PAX8: variants seen among roughly 807,000 people sequenced by gnomAD.
PAX8 encodes the protein paired box 8.
A neutral mutation model predicts 52.4 loss-of-function variants in PAX8; 15 were observed. The observed-to-expected ratio is 0.29, with a 90% CI of 0.19 to 0.44. The LOEUF (loss-of-function observed/expected upper bound fraction) is 0.44, where lower values mean the gene tolerates loss of function less well. PAX8 is among the 20% of genes least tolerant of loss of function. PAX8 has a pLI of 1.00. For synonymous variants in PAX8, 284 were observed against 249.7 expected (o/e 1.14, Z -1.29); for missense variants, 554 against 602.5 (o/e 0.92, Z 0.84).
intron 6 of PAX8, 125 bp from the exon 7 acceptor site, chr2:113,241,851 C>G: frequency 6.9e-7 from 1 of 1,455,698 alleles, no homozygotes; most frequent in Non-Finnish European, 9.6e-7. Flanking sequence ...CCACGTGGGC[C>G]CAGGAGCCTT....
At chr2:113,253,195 C>T (rs983000881) in intron 2 of PAX8, among the ~76,000 whole-genome samples, 1 of 152,170 alleles carries the variant, frequency 6.6e-6, no homozygotes, top group Non-Finnish European at 1.5e-5. Flanking sequence ...TTATTTGCTC[C>T]ATGACATATG....
rs113984229 is a variant in PAX8 at position 113,226,407 on chromosome 2, T to G, written c.1189+748A>C. 3.0e-6 allele frequency: 3 copies of G among 986,010 alleles called. No homozygotes were observed. In the African/African-American group the frequency reaches 5.2e-5, roughly 17 times the overall value. The allele number at this position is 986,010 out of a possible 1,614,324, so 61.1% of individuals were successfully genotyped here. ...TCTTCCCTACATGGCTCCTAAAAAA[T>G]TGAGACTTGCCCAAGGAAACTCCCA... On this transcript the variant is annotated intron_variant, in intron 10 of 11. Coordinates refer to ENST00000429538, the MANE Select transcript of PAX8 (RefSeq NM_003466.4).
chr2:113,234,254 C>T (rs1333516613), intron 9 of PAX8, among the ~76,000 whole-genome samples: 1 of 152,214 alleles, frequency 6.6e-6, no homozygotes, highest in Admixed American at 6.5e-5. Flanking sequence ...CATCTCAGGC[C>T]CTCTCCAACC....
rs191363278 is a variant in PAX8, at chr2:113,251,292, C to T, written c.26-4373G>A. On this transcript the variant is annotated intron_variant, in intron 2 of 11. Coordinates refer to ENST00000429538, the MANE Select transcript of PAX8 (RefSeq NM_003466.4). ...CGATTGGCGCCCACTGTGCTGACCA[C>T]CTCTTCATGCAGCTGCAGGTGGGGT... Among the ~76,000 whole-genome samples, 81 of 152,248 alleles carry T rather than the reference C, an allele frequency of 5.3e-4. 1 individual carries two copies. Among genetic ancestry groups the T allele is most frequent in the African/African-American group, 1.8e-3 (73 of 41,538 alleles).
intron 2 of PAX8, among the ~76,000 whole-genome samples, chr2:113,259,793 C>G: frequency 6.6e-6 from 1 of 152,192 alleles, no homozygotes; most frequent in Non-Finnish European, 1.5e-5. Flanking sequence ...GTCATTCTTC[C>G]CAGATCCTTC....
chr2:113,229,325 G>A (rs1163180029), intron 9 of PAX8, among the ~76,000 whole-genome samples: 1 of 152,192 alleles, frequency 6.6e-6, no homozygotes, highest in Non-Finnish European at 1.5e-5. Flanking sequence ...ATTTCTATGA[G>A]GTTATCTGCA....
Position 113,216,384 on chromosome 2 carries a change from C to T in PAX8, c.*2149G>A, listed in dbSNP as rs1689029714. 4.3e-6 allele frequency: 1 copy of T among 232,094 alleles called. No individual in the cohort carries two copies. Among genetic ancestry groups the T allele is most frequent in the Admixed American group, 5.6e-5 (1 of 17,750 alleles). 14.4% of individuals were successfully genotyped at this position (232,094 alleles called of 1,614,324 possible). ...GGAGGTAAGAGCCCTCTCTCCCAGC[C>T]TCTGTCCTCCCAGCCCTGGAGTCCT... On this transcript the variant is annotated 3_prime_UTR_variant, in exon 12 of 12. Transcript: ENST00000429538.
At chr2:113,229,435 G>A (rs1324312736) in intron 9 of PAX8, among the ~76,000 whole-genome samples, 1 of 152,212 alleles carries the variant, frequency 6.6e-6, no homozygotes, top group South Asian at 2.1e-4. Flanking sequence ...ACAGAATAAA[G>A]AGCCATCAGT....
intron 9 of PAX8, among the ~76,000 whole-genome samples, chr2:113,228,974 G>A (rs1689739227): frequency 6.6e-6 from 1 of 152,178 alleles, no homozygotes; most frequent in Non-Finnish European, 1.5e-5. Context: ...AATACTTACT[G>A]AGTAAATACT....
chr2:113,257,889 T>C (rs541869098), intron 2 of PAX8, among the ~76,000 whole-genome samples: 1 of 152,338 alleles, frequency 6.6e-6, no homozygotes, highest in South Asian at 2.1e-4. Context: ...TGAAGTACAT[T>C]ATCATTTTAT....
At chr2:113,222,491 G>A (rs539816301) in intron 10 of PAX8, among the ~76,000 whole-genome samples, 15 of 152,244 alleles carry the variant, frequency 9.9e-5, no homozygotes, top group African/African-American at 2.9e-4. Flanking sequence ...GCATCTTCCC[G>A]TCATCAGATG....
chr2:113,255,648 C>G (rs973809433), intron 2 of PAX8: 45 of 152,150 alleles, frequency 3.0e-4, no homozygotes, highest in African/African-American at 1.1e-3. Context: ...GCTACTCTTG[C>G]CATTTTACAC....
intron 2 of PAX8, among the ~76,000 whole-genome samples, chr2:113,277,822 C>G (rs927305213): frequency 1.3e-5 from 2 of 152,148 alleles, no homozygotes; most frequent in African/African-American, 2.4e-5. Flanking sequence ...CCGGCCTGCC[C>G]GGTGCTGGGC....
chr2:113,233,339 A>AC (rs1690015645), intron 9 of PAX8, among the ~76,000 whole-genome samples: 1 of 150,738 alleles, frequency 6.6e-6, no homozygotes, highest in African/African-American at 2.4e-5. Context: ...GGAAAAAAAA[A>AC]AAAAAACCCG....
intron 1 of PAX8, 173 bp from the exon 2 acceptor site, chr2:113,278,642 G>T (rs1693998358): frequency 1.4e-6 from 1 of 690,868 alleles, no homozygotes; most frequent in Non-Finnish European, 2.4e-6. Flanking sequence ...TTCCCGGGAG[G>T]ATCAAGGATT....
At chr2:113,235,342 C>A (rs1039165940) in intron 9 of PAX8, 52 bp downstream of exon 9, 8 of 1,484,104 alleles carry the variant, frequency 5.4e-6, no homozygotes, top group Non-Finnish European at 7.3e-6. Flanking sequence ...CCTGAGGACC[C>A]CCGTCCCACC....
intron 10 of PAX8, among the ~76,000 whole-genome samples, chr2:113,224,839 T>A (rs62160785): frequency 4.9e-4 from 71 of 143,636 alleles, no homozygotes; most frequent in African/African-American, 1.6e-3. Context: ...TAAAATAAAA[T>A]ATAAAATAAA....
rs11678394 is a variant in PAX8 at position 113,246,660 on chromosome 2, G to A, written c.191+94C>T. Reference sequence around the variant, plus strand: ...AGCTGGACATTGGGAGCAAATCCCCGTTCCCTGGGAGGGGAATTCTCTAGC... The same window carrying A: ...AGCTGGACATTGGGAGCAAATCCCCATTCCCTGGGAGGGGAATTCTCTAGC... On this transcript the variant is annotated intron_variant, in intron 3 of 11. Transcript: ENST00000429538. 1,421,552 of 1,422,478 alleles carry A rather than the reference G, an allele frequency of 1. 710,324 individuals are homozygous for A. Among genetic ancestry groups the A allele is most frequent in the Middle Eastern group, 1 (4,010 of 4,010 alleles). 88.1% of individuals were successfully genotyped at this position (1,422,478 alleles called of 1,614,324 possible).
intron 2 of PAX8, among the ~76,000 whole-genome samples, chr2:113,248,930 C>T (rs1466207200): frequency 3.3e-5 from 5 of 151,788 alleles, no homozygotes; most frequent in Admixed American, 6.6e-5. Context: ...CGCATCATTG[C>T]ACTCCAGCCT....
Sources: allele counts gnomAD v4.1 joint callset (sites outside exome capture counted in the v4.1 genomes callset), GRCh38; gene constraint gnomAD v4.1.1; transcripts MANE v1.5; gene names NCBI Gene and HGNC (gene_info 2026-07-23, HGNC 2026-07-21).